PVALB: variants seen among roughly 807,000 people sequenced by gnomAD.
The protein encoded by PVALB is parvalbumin, also known as parvalbumin alpha.
PVALB carries 11 observed loss-of-function variants against 10.9 expected under a neutral mutation model. The observed-to-expected ratio is 1.01, with a 90% CI of 0.63 to 1.67. PVALB has a LOEUF of 1.67. Ranked by LOEUF, PVALB falls within the 40% of genes most tolerant of loss-of-function variation. The pLI is 0.00. For missense variants in PVALB, 131 were observed against 136.2 expected, an observed-to-expected ratio of 0.96 and a Z score of 0.19; for synonymous variants, 57 against 50.7, an observed-to-expected ratio of 1.12 and a Z score of -0.53.
At chr22:36,804,646 A>G (rs1208476852) in intron 3 of PVALB, among the ~76,000 whole-genome samples, 1 of 152,202 alleles carries the variant, frequency 6.6e-6, no homozygotes, top group African/African-American at 2.4e-5. Flanking sequence ...AAAGAAAAAC[A>G]AATGACTGGC....
chr22:36,811,742 A>G (rs1016415775), intron 3 of PVALB, among the ~76,000 whole-genome samples: 6 of 152,116 alleles, frequency 3.9e-5, no homozygotes, highest in Non-Finnish European at 8.8e-5. Context: ...CAGGGTTCAG[A>G]TGGGAGCCAG....
At chr22:36,813,393 G>A in intron 3 of PVALB, 1 of 462,742 alleles carries the variant, frequency 2.2e-6, no homozygotes, top group Non-Finnish European at 3.9e-6. Flanking sequence ...AAATCCTCCT[G>A]GATCCCCTAC....
chr22:36,814,844 C>T lies in PVALB; in HGVS notation c.194+259G>A, dbSNP rs777204890. On this transcript the variant is annotated intron_variant, in intron 2 of 3. Coordinates refer to ENST00000417718, the MANE Select transcript of PVALB (RefSeq NM_001315532.2). ...ATTAAATTATTAAGTAGCAACATTC[C>T]ATTAGCAATATTAAGTGGCTATCAT... Among the ~76,000 whole-genome samples the T allele has an allele frequency of 2.0e-5, 3 of 152,182 alleles. No homozygotes were observed. In the South Asian group the frequency reaches 6.2e-4, roughly 32 times the overall value.
chr22:36,804,210 C>T (rs1349381424), intron 3 of PVALB, among the ~76,000 whole-genome samples: 3 of 152,198 alleles, frequency 2.0e-5, no homozygotes, highest in Non-Finnish European at 4.4e-5. Context: ...CGGTAAATAG[C>T]CCGTTGGTCA....
At chr22:36,817,111 A>T, upstream of PVALB, 1 of 1,101,116 alleles carries the variant, frequency 9.1e-7, no homozygotes, top group African/African-American at 1.7e-5. Context: ...CGCCGGGCGC[A>T]CGCCCGCCGG....
intron 3 of PVALB, 109 bp from the exon 4 acceptor site, chr22:36,801,027 T>G: frequency 9.6e-7 from 1 of 1,042,654 alleles, no homozygotes; most frequent in Admixed American, 1.9e-5. Flanking sequence ...TTCTTGCTTC[T>G]GCTGCAGCAG....
At chr22:36,814,800 A>C (rs73884023) in intron 2 of PVALB, among the ~76,000 whole-genome samples, 1,663 of 152,322 alleles carry the variant, frequency 0.011, 33 homozygotes, top group African/African-American at 0.039. Flanking sequence ...GGCAGCAAGA[A>C]AACTGCCTCT....
chr22:36,818,931 C>T (rs1466967794), upstream of PVALB, among the ~76,000 whole-genome samples: 1 of 152,180 alleles, frequency 6.6e-6, no homozygotes, highest in Non-Finnish European at 1.5e-5. Flanking sequence ...CCCTAAGCAG[C>T]TACCCTGTGG....
upstream of PVALB, among the ~76,000 whole-genome samples, chr22:36,817,747 C>T (rs975430328): frequency 5.3e-5 from 8 of 152,150 alleles, no homozygotes; most frequent in Admixed American, 4.6e-4. Flanking sequence ...CTTGATTTTT[C>T]GAAGAACACT....
At chr22:36,816,183 C>T (rs1939136182) in intron 1 of PVALB, 2 of 152,220 alleles carry the variant, frequency 1.3e-5, no homozygotes, top group South Asian at 4.1e-4. Context: ...AGTTCTAATA[C>T]CCCTTCTGCC....
chr22:36,806,886 G>A (rs1385776025), intron 3 of PVALB, among the ~76,000 whole-genome samples: 1 of 152,184 alleles, frequency 6.6e-6, no homozygotes, highest in Non-Finnish European at 1.5e-5. Flanking sequence ...GGGCCAGGGT[G>A]CGTCTCTTCC....
At chr22:36,807,088 G>T (rs1014009351) in intron 3 of PVALB, among the ~76,000 whole-genome samples, 1 of 152,210 alleles carries the variant, frequency 6.6e-6, no homozygotes, top group Admixed American at 6.5e-5. Context: ...TAAGGCCAGA[G>T]CTAGGGAAAG....
Position 36,800,709 on chromosome 22 carries a change from G to A in PVALB, c.*181C>T, listed in dbSNP as rs1323257746. 2 of 719,030 alleles carry A rather than the reference G, an allele frequency of 2.8e-6. No individual in the cohort carries two copies. Among genetic ancestry groups the A allele is most frequent in the East Asian group, 2.7e-5 (1 of 37,228 alleles). The allele number at this position is 719,030 out of a possible 1,614,324, so 44.5% of individuals were successfully genotyped here. A position where few individuals can be genotyped will look rare whatever the true frequency, so the allele number is the denominator to read the frequency against. On this transcript the variant is annotated 3_prime_UTR_variant, in exon 4 of 4. Coordinates refer to ENST00000417718, the MANE Select transcript of PVALB (RefSeq NM_001315532.2). ...TTCCTGAGCAAGCAGAGTCTGACTG[G>A]TACAACCTTTATTGCTTCTCCAGCA... is the stretch of plus-strand genomic sequence containing the variant.
intron 2 of PVALB, among the ~76,000 whole-genome samples, chr22:36,814,394 A>T (rs1299469226): frequency 6.6e-6 from 1 of 151,980 alleles, no homozygotes; most frequent in Admixed American, 6.6e-5. Flanking sequence ...TAGGGGAGAG[A>T]CAGGATGGGT....
At chr22:36,804,762 C>A (rs189265731) in intron 3 of PVALB, among the ~76,000 whole-genome samples, 9 of 152,228 alleles carry the variant, frequency 5.9e-5, no homozygotes, top group Admixed American at 4.6e-4. Context: ...GGTGAAACCT[C>A]GTCTCTACTA....
chr22:36,812,915 T>C (rs973372673), intron 3 of PVALB, among the ~76,000 whole-genome samples: 2 of 152,164 alleles, frequency 1.3e-5, no homozygotes, highest in Non-Finnish European at 2.9e-5. Context: ...GATAGCAATG[T>C]GGGTGTGCTC....
At position 36,813,649 on chromosome 22, in the gene PVALB, CA is replaced by C. The variant is rs1312110149; in HGVS notation, c.300del (p.Asp101ThrfsTer14). ...GDKDGDGKIG[V>X]DEFSTLVAES ...ACCCCAGGTCACGGCTACCCACCGTCAACCCCAATTTTGCCGTCCCCATCTT... is the reference window on the plus strand; with the variant it reads ...ACCCCAGGTCACGGCTACCCACCGTCACCCCAATTTTGCCGTCCCCATCTT... On this transcript the variant is annotated frameshift_variant, in exon 3 of 4. Transcript: ENST00000417718. LOFTEE classifies it high-confidence loss of function. The C allele has an allele frequency of 6.2e-7, 1 of 1,612,960 alleles. No homozygotes were observed. Among genetic ancestry groups the C allele is most frequent in the South Asian group, 1.1e-5 (1 of 91,052 alleles).
intron 1 of PVALB, 106 bp downstream of exon 1, chr22:36,816,839 G>T: frequency 1.0e-6 from 1 of 998,072 alleles, no homozygotes. Flanking sequence ...GGAAGTGTGG[G>T]CAGAAGCGCG....
chr22:36,815,047 C>T, intron 2 of PVALB, 56 bp downstream of exon 2: 1 of 1,604,034 alleles, frequency 6.2e-7, no homozygotes, highest in Non-Finnish European at 8.5e-7. Context: ...GAGTCCCAGC[C>T]CCCACTCCCT....
Sources: gnomAD v4.1 joint callset for allele counts (sites outside exome capture counted in the v4.1 genomes callset) on GRCh38, gnomAD v4.1.1 for gene constraint, MANE v1.5 for transcripts, NCBI Gene and HGNC (gene_info 2026-07-23, HGNC 2026-07-21) for gene names.